The following SNU13 variants were observed in gnomAD, a reference collection of about 807,000 sequenced individuals.
SNU13 encodes the protein NHP2-like protein 1.
SNU13 carries 2 observed loss-of-function variants against 12.4 expected under a neutral mutation model. That is an observed-to-expected ratio of 0.16 (90% confidence interval 0.07 to 0.51). The LOEUF (loss-of-function observed/expected upper bound fraction) is 0.51. Ranked by LOEUF, SNU13 falls within the 20% of genes least tolerant of loss-of-function variation. The probability of loss-of-function intolerance (pLI) is 0.96; values close to 1 mark genes in which losing one functional copy is unlikely to be tolerated. For missense variants in SNU13, 66 were observed against 157.8 expected, an observed-to-expected ratio of 0.42 and a Z score of 3.12; for synonymous variants, 68 against 66.5, an observed-to-expected ratio of 1.02 and a Z score of -0.11.
rs9607827 is a variant in SNU13, at chr22:41,675,092, C to T, written c.228G>A (p.Lys76=). The change falls in exon 3 of 3, where the codon AAG becomes AAA. Residue 76 remains lysine, a synonymous_variant. Transcript: ENST00000401959. ...AGCGCACAAACACGTAGGGCACATTCTTGTCTTCACACAGCAGCGGCAGGT... is the reference window on the plus strand; with the variant it reads ...AGCGCACAAACACGTAGGGCACATTTTTGTCTTCACACAGCAGCGGCAGGT... The part of the protein sequence containing the change: ...ILHLPLLCED[K]NVPYVFVRSK... The T allele has an allele frequency of 6.2e-7, 1 of 1,614,204 alleles. No homozygotes were observed. Among genetic ancestry groups the T allele is most frequent in the Non-Finnish European group, 8.5e-7 (1 of 1,180,032 alleles).
intron 1 of SNU13, chr22:41,681,575 G>A (rs1243753594): frequency 1.3e-5 from 2 of 152,110 alleles, no homozygotes; most frequent in Non-Finnish European, 2.9e-5. Context: ...AAATAAAGAG[G>A]GAATGGTACA....
chr22:41,682,506 C>T, intron 1 of SNU13: 1 of 1,548,068 alleles, frequency 6.5e-7, no homozygotes, highest in Non-Finnish European at 8.7e-7. Context: ...GAAGTGACGT[C>T]CAGGGCCAGC....
At chr22:41,686,912 AC>A (rs1419962181) in intron 1 of SNU13, among the ~76,000 whole-genome samples, 2 of 151,870 alleles carry the variant, frequency 1.3e-5, no homozygotes, top group Admixed American at 6.6e-5. Context: ...GGCGTGAGCC[AC>A]CGTGCCCAGC....
intron 1 of SNU13, chr22:41,682,749 C>A: frequency 3.8e-6 from 1 of 262,836 alleles, no homozygotes; most frequent in East Asian, 1.1e-4. Flanking sequence ...GGCGCGATCT[C>A]GGCTCACTGC....
intron 2 of SNU13, among the ~76,000 whole-genome samples, chr22:41,678,083 T>G (rs375909956): frequency 1.6e-4 from 24 of 152,006 alleles, no homozygotes; most frequent in African/African-American, 5.6e-4. Context: ...TCACACCATT[T>G]TCCTGCCTCA....
In SNU13 at chr22:41,674,225, C is replaced by A. The variant is rs932397626; in HGVS notation, c.*708G>T. ...TGCTCTCTGAGCTTGTCACTCCCGA[C>A]TCTTTCAAGACCCAGGTCAACTGCC... On this transcript the variant is annotated 3_prime_UTR_variant, in exon 3 of 3. Transcript: ENST00000401959. 6.5e-6 allele frequency: 1 copy of A among 152,894 alleles called. No homozygotes were observed. Among genetic ancestry groups the A allele is most frequent in the African/African-American group, 2.4e-5 (1 of 41,450 alleles). 9.5% of individuals were successfully genotyped at this position (152,894 alleles called of 1,614,324 possible).
At chr22:41,680,548 CACT>C (rs2068254457) in intron 1 of SNU13, among the ~76,000 whole-genome samples, 184 bp from the exon 2 acceptor site, 1 of 152,124 alleles carries the variant, frequency 6.6e-6, no homozygotes, top group African/African-American at 2.4e-5. Flanking sequence ...AAAGGAAATA[CACT>C]ATTAGGAATT....
chr22:41,682,323 A>C (rs976821562), intron 1 of SNU13: 4 of 1,591,772 alleles, frequency 2.5e-6, no homozygotes, highest in Non-Finnish European at 3.4e-6. Flanking sequence ...TCGGGAGGTG[A>C]CCCGGAGATA....
chr22:41,676,696 T>C (rs1345808907), intron 2 of SNU13, among the ~76,000 whole-genome samples: 1 of 152,212 alleles, frequency 6.6e-6, no homozygotes, highest in Non-Finnish European at 1.5e-5. Flanking sequence ...ATATACATTC[T>C]AATCCATCAT....
chr22:41,682,443 G>C, intron 1 of SNU13: 1 of 1,609,394 alleles, frequency 6.2e-7, no homozygotes, highest in South Asian at 1.1e-5. Context: ...AGCACCGCAA[G>C]GACACGGATG....
At chr22:41,682,298 G>A in intron 1 of SNU13, 1 of 1,540,164 alleles carries the variant, frequency 6.5e-7, no homozygotes, top group Non-Finnish European at 9.0e-7. Flanking sequence ...GACCACGCTC[G>A]CGGCACCACA....
At chr22:41,682,495 G>A (rs1382927436) in intron 1 of SNU13, 9 of 1,568,352 alleles carry the variant, frequency 5.7e-6, no homozygotes, top group Middle Eastern at 1.7e-4. Context: ...TGCCGCCAGC[G>A]GAAGTGACGT....
At chr22:41,675,721 C>T (rs539132678) in intron 2 of SNU13, among the ~76,000 whole-genome samples, 22 of 150,870 alleles carry the variant, frequency 1.5e-4, no homozygotes, top group African/African-American at 5.4e-4. Context: ...TGTGCCTGTC[C>T]TAATCTGACA....
intron 1 of SNU13, 124 bp from the exon 2 acceptor site, chr22:41,680,488 A>C: frequency 1.1e-6 from 1 of 935,464 alleles, no homozygotes; most frequent in Non-Finnish European, 1.6e-6. Context: ...CCTCAAACAC[A>C]CAAAACACCA....
At chr22:41,687,941 G>A (rs2068325446) in intron 1 of SNU13, 1 of 152,198 alleles carries the variant, frequency 6.6e-6, no homozygotes, top group Non-Finnish European at 1.5e-5. Flanking sequence ...GCTTCAAAAT[G>A]CATGGGAGGA....
intron 1 of SNU13, chr22:41,682,453 GC>G: frequency 6.2e-7 from 1 of 1,606,054 alleles, no homozygotes. Flanking sequence ...GGACACGGAT[GC>G]CCCGCCCCCA....
At chr22:41,684,093 C>G (rs1383803138) in intron 1 of SNU13, among the ~76,000 whole-genome samples, 1 of 152,050 alleles carries the variant, frequency 6.6e-6, no homozygotes, top group Non-Finnish European at 1.5e-5. Context: ...TTAGTAGAGA[C>G]TGGGTTTTGC....
chr22:41,682,461 C>T, intron 1 of SNU13: 3 of 1,602,170 alleles, frequency 1.9e-6, no homozygotes, highest in South Asian at 2.2e-5. Context: ...ATGCCCCGCC[C>T]CCAAGAGCAG....
Position 41,688,823 on chromosome 22 carries a change from C to T in SNU13, c.-27G>A, listed in dbSNP as rs370253652. 2.1e-5 allele frequency: 33 copies of T among 1,581,808 alleles called. No homozygotes were observed. The African/African-American group carries it at 3.4e-4, about 16-fold the overall frequency. On this transcript the variant is annotated 5_prime_UTR_variant, in exon 1 of 3. Coordinates refer to ENST00000401959, the MANE Select transcript of SNU13 (RefSeq NM_001003796.2). ...GCTGCGGTTCCGCGGGCTCAGCACTCCTAGGGGAGCGCAGCTGACGTTTCA... is the reference window on the plus strand; with the variant it reads ...GCTGCGGTTCCGCGGGCTCAGCACTTCTAGGGGAGCGCAGCTGACGTTTCA...
Sources: allele counts gnomAD v4.1 joint callset (sites outside exome capture counted in the v4.1 genomes callset), GRCh38; gene constraint gnomAD v4.1.1; transcripts MANE v1.5; gene names NCBI Gene and HGNC (gene_info 2026-07-23, HGNC 2026-07-21).